Variants in CNTNAP2 observed in about 807,000 individuals in gnomAD.
CNTNAP2 encodes the protein contactin associated protein 2.
CNTNAP2 carries 98 observed loss-of-function variants against 155.2 expected under a neutral mutation model. The ratio of observed to expected loss-of-function variants is 0.63; its 90% CI spans 0.54 to 0.75. The LOEUF (loss-of-function observed/expected upper bound fraction) is 0.75, where lower values mean the gene tolerates loss of function less well. Ranked by LOEUF, CNTNAP2 falls within the 30% of genes least tolerant of loss-of-function variation. The pLI, the probability that CNTNAP2 is intolerant of heterozygous loss-of-function variation, is 0.00. For missense variants in CNTNAP2, 1,727 were observed against 1,688.1 expected, an observed-to-expected ratio of 1.02 and a Z score of -0.40; for synonymous variants, 651 against 631.2, an observed-to-expected ratio of 1.03 and a Z score of -0.47.
intron 6 of CNTNAP2, among the ~76,000 whole-genome samples, chr7:147,126,184 T>A (rs1801230710): frequency 6.6e-6 from 1 of 152,128 alleles, no homozygotes; most frequent in Non-Finnish European, 1.5e-5. Context: ...CTGAAAAGCA[T>A]TATTTTTTTT....
intron 14 of CNTNAP2, among the ~76,000 whole-genome samples, chr7:147,965,337 C>G (rs765068118): frequency 6.6e-6 from 1 of 152,098 alleles, no homozygotes; most frequent in African/African-American, 2.4e-5. Context: ...AGTTCCTAGT[C>G]TATATACAAA....
chr7:147,517,124 C>A (rs1799142779), intron 11 of CNTNAP2, among the ~76,000 whole-genome samples: 1 of 151,872 alleles, frequency 6.6e-6, no homozygotes. Context: ...CCCTCCATGA[C>A]CTCCCAAGGT....
intron 1 of CNTNAP2, among the ~76,000 whole-genome samples, chr7:146,715,500 C>T (rs1801172236): frequency 7.4e-6 from 1 of 134,274 alleles, no homozygotes. Flanking sequence ...GGACCTAATC[C>T]AGCTGGACCT....
At position 147,273,203 on chromosome 7, in the gene CNTNAP2, C is replaced by T. The variant is rs940072950; in HGVS notation, c.1349-26938C>T. Among the ~76,000 whole-genome samples the T allele has an allele frequency of 7.9e-5, 12 of 152,076 alleles. No homozygotes were observed. The East Asian group carries it at 2.3e-3, about 29-fold the overall frequency. On this transcript the variant is annotated intron_variant, in intron 8 of 23. Transcript: ENST00000361727. ...AATTCACCTTATCACCACTTCGCGC[C>T]GAAATTTACAGTCTACGTTGAGGGG...
intron 1 of CNTNAP2, among the ~76,000 whole-genome samples, chr7:146,344,858 G>C: frequency 6.6e-6 from 1 of 152,136 alleles, no homozygotes; most frequent in East Asian, 1.9e-4. Context: ...AGAACATTTA[G>C]AGAAAACACC....
chr7:147,983,101 AT>A (rs1250765013), intron 15 of CNTNAP2, among the ~76,000 whole-genome samples: 1 of 151,858 alleles, frequency 6.6e-6, no homozygotes, highest in African/African-American at 2.4e-5. Flanking sequence ...CCAATGAAAC[AT>A]TTCCAACAGG....
chr7:146,601,264 A>G (rs1379839037), intron 1 of CNTNAP2, among the ~76,000 whole-genome samples: 1 of 152,114 alleles, frequency 6.6e-6, no homozygotes, highest in Admixed American at 6.6e-5. Flanking sequence ...TTGCTATCTC[A>G]TGTGGCAGAT....
intron 16 of CNTNAP2, among the ~76,000 whole-genome samples, chr7:148,120,601 T>C (rs192975479): frequency 1.3e-5 from 2 of 152,284 alleles, no homozygotes; most frequent in Admixed American, 1.3e-4. Flanking sequence ...TTTAGAGCTG[T>C]CTTCAGAGTT....
chr7:146,812,515 A>G (rs1199360043), intron 2 of CNTNAP2, among the ~76,000 whole-genome samples: 1 of 151,182 alleles, frequency 6.6e-6, no homozygotes, highest in African/African-American at 2.4e-5. Flanking sequence ...TTTGTTACAT[A>G]TGTATACATG....
chr7:146,742,246 T>C (rs1002700720), intron 1 of CNTNAP2, among the ~76,000 whole-genome samples: 2 of 152,158 alleles, frequency 1.3e-5, no homozygotes, highest in Admixed American at 1.3e-4. Flanking sequence ...AAGTATCAGC[T>C]GGATATAATG....
At chr7:147,452,049 C>A (rs2116570436) in intron 10 of CNTNAP2, among the ~76,000 whole-genome samples, 1 of 152,286 alleles carries the variant, frequency 6.6e-6, no homozygotes, top group African/African-American at 2.4e-5. Flanking sequence ...TACAAATTAC[C>A]CCGAATCAGG....
At chr7:146,993,187 G>T (rs1161841257) in intron 3 of CNTNAP2, among the ~76,000 whole-genome samples, 1 of 152,160 alleles carries the variant, frequency 6.6e-6, no homozygotes, top group East Asian at 1.9e-4. Context: ...GAGATCAAGT[G>T]CCCTATTTGA....
chr7:147,521,496 A>T (rs1799228218), intron 11 of CNTNAP2, among the ~76,000 whole-genome samples: 1 of 152,316 alleles, frequency 6.6e-6, no homozygotes, highest in East Asian at 1.9e-4. Flanking sequence ...CTGAAATCCC[A>T]TTCCGTGGAA....
At position 147,398,153 on chromosome 7, in the gene CNTNAP2, G is replaced by T. The variant is rs543052680; in HGVS notation, c.1670+2373G>T. ...GTATTGATGATATCACCCTTAATCT[G>T]TGTCTTTCCAGGTAAAAGTACCAGT... On this transcript the variant is annotated intron_variant, in intron 10 of 23. Coordinates refer to ENST00000361727, the MANE Select transcript of CNTNAP2 (RefSeq NM_014141.6). Among the ~76,000 whole-genome samples, 7 of 152,098 alleles carry T rather than the reference G, an allele frequency of 4.6e-5. No homozygotes were observed. In the South Asian group the frequency reaches 1.5e-3, roughly 32 times the overall value.
At chr7:148,051,387 C>A (rs1447553684) in intron 15 of CNTNAP2, among the ~76,000 whole-genome samples, 2 of 151,416 alleles carry the variant, frequency 1.3e-5, no homozygotes, top group Non-Finnish European at 2.9e-5. Flanking sequence ...GGAAGTTATG[C>A]AATATGTTTT....
chr7:147,550,949 A>T (rs1339400601), intron 11 of CNTNAP2, among the ~76,000 whole-genome samples: 1 of 152,204 alleles, frequency 6.6e-6, no homozygotes, highest in Non-Finnish European at 1.5e-5. Flanking sequence ...GTAAGGAGAT[A>T]GTATCCATAA....
At chr7:147,494,468 C>CAAAAAAAAAAA (rs10562874) in intron 11 of CNTNAP2, among the ~76,000 whole-genome samples, 2 of 116,382 alleles carry the variant, frequency 1.7e-5, no homozygotes, top group African/African-American at 3.4e-5. Context: ...TGAGTCTTGG[C>CAAAAAAAAAAA]AAAAAAAAAA....
chr7:147,207,637 A>C (rs1238524672), intron 8 of CNTNAP2, among the ~76,000 whole-genome samples: 1 of 152,168 alleles, frequency 6.6e-6, no homozygotes, highest in Non-Finnish European at 1.5e-5. Context: ...TATATGTAGA[A>C]TACCTGGAAA....
intron 1 of CNTNAP2, among the ~76,000 whole-genome samples, chr7:146,431,058 G>A (rs1465938702): frequency 6.6e-6 from 1 of 151,980 alleles, no homozygotes. Flanking sequence ...AGTGTTAGAT[G>A]TAAAATGTTA....
Sources: gnomAD v4.1 joint callset for allele counts (sites outside exome capture counted in the v4.1 genomes callset) on GRCh38, gnomAD v4.1.1 for gene constraint, MANE v1.5 for transcripts, NCBI Gene and HGNC (gene_info 2026-07-23, HGNC 2026-07-21) for gene names.